ZNF264: variants seen among roughly 807,000 people sequenced by gnomAD.
The protein encoded by ZNF264 is zinc finger protein 264.
ZNF264 carries 11 observed loss-of-function variants against 11.2 expected under a neutral mutation model. The ratio of observed to expected loss-of-function variants is 0.98; its 90% CI spans 0.62 to 1.63. The LOEUF (loss-of-function observed/expected upper bound fraction) is 1.63. Ranked by LOEUF, ZNF264 falls within the 40% of genes most tolerant of loss-of-function variation. ZNF264 has a pLI of 0.00. For missense variants in ZNF264, 752 were observed against 768.1 expected, an observed-to-expected ratio of 0.98 and a Z score of 0.25; for synonymous variants, 309 against 279.8, an observed-to-expected ratio of 1.10 and a Z score of -1.04.
chr19:57,200,679 A>G lies in ZNF264; in HGVS notation c.161-4718A>G, dbSNP rs540717646. Among the ~76,000 whole-genome samples the G allele has an allele frequency of 2.6e-5, 4 of 151,716 alleles. 1 individual carries two copies. Among genetic ancestry groups the G allele is most frequent in the African/African-American group, 4.9e-5 (2 of 41,120 alleles). The stretch of plus-strand genomic sequence containing the variant: ...GCCCAGGTTGGAATACAGTGGCACA[A>G]TCTCGGCTCACTGCCTTTGCCTCCT... On this transcript the variant is annotated intron_variant, in intron 2 of 3. Transcript: ENST00000263095.
In ZNF264 at chr19:57,212,996, G is replaced by A; in HGVS notation, c.*15G>A. 6.3e-7 allele frequency: 1 copy of A among 1,593,850 alleles called. No homozygotes were observed. Among genetic ancestry groups the A allele is most frequent in the Non-Finnish European group, 8.6e-7 (1 of 1,168,502 alleles). On this transcript the variant is annotated 3_prime_UTR_variant, in exon 4 of 4. Transcript: ENST00000263095. Reference sequence around the variant, plus strand: ...CTTCACTGTGAGAAAACCTTCTGTTGCTGAATATTACTTGTCATCTGAAGA... The same window carrying A: ...CTTCACTGTGAGAAAACCTTCTGTTACTGAATATTACTTGTCATCTGAAGA...
intron 2 of ZNF264, among the ~76,000 whole-genome samples, chr19:57,204,763 A>G (rs1206233623): frequency 6.6e-6 from 1 of 152,190 alleles, no homozygotes; most frequent in African/African-American, 2.4e-5. Context: ...TCCTGTTGCC[A>G]TCAGTACTGT....
intron 2 of ZNF264, among the ~76,000 whole-genome samples, chr19:57,194,553 G>A (rs186075770): frequency 2.6e-5 from 4 of 152,334 alleles, no homozygotes; most frequent in African/African-American, 9.6e-5. Flanking sequence ...AAGTCCCAAA[G>A]CTGAAGAACT....
At chr19:57,205,929 G>A (rs1401420126) in intron 3 of ZNF264, among the ~76,000 whole-genome samples, 1 of 152,164 alleles carries the variant, frequency 6.6e-6, no homozygotes, top group African/African-American at 2.4e-5. Context: ...CTCATACCAG[G>A]GACTGTGTGG....
intron 2 of ZNF264, among the ~76,000 whole-genome samples, chr19:57,204,797 CTG>C (rs2087279652): frequency 6.6e-6 from 1 of 152,198 alleles, no homozygotes; most frequent in East Asian, 1.9e-4. Context: ...ATCAAGATCA[CTG>C]TCGTTGGCAT....
rs1376094794 is a variant in ZNF264, at chr19:57,217,476, G to A, written c.*4495G>A. The stretch of plus-strand genomic sequence containing the variant: ...TCTGTCACCCACGCTGGAGTGCTGT[G>A]ATGCGATCTCGGCTCTCTGCAACCT... On this transcript the variant is annotated 3_prime_UTR_variant, in exon 4 of 4. Coordinates refer to ENST00000263095, the MANE Select transcript of ZNF264 (RefSeq NM_003417.5). 6.6e-6 allele frequency: 1 copy of A among 152,086 alleles called. No homozygotes were observed. Among genetic ancestry groups the A allele is most frequent in the Non-Finnish European group, 1.5e-5 (1 of 68,044 alleles). 9.4% of individuals were successfully genotyped at this position (152,086 alleles called of 1,614,324 possible).
At position 57,222,073 on chromosome 19, in the gene ZNF264, T is replaced by A. The variant is rs2087421269; in HGVS notation, c.*9092T>A. 2 of 152,064 alleles carry A rather than the reference T, an allele frequency of 1.3e-5. No homozygotes were observed. Among genetic ancestry groups the A allele is most frequent in the Admixed American group, 1.3e-4 (2 of 15,262 alleles). 9.4% of individuals were successfully genotyped at this position (152,064 alleles called of 1,614,324 possible). ...GGCTTATGTAATGATTGTAATAAAT[T>A]CAGGTGGCTCACGCCTGTGATACCA... is the stretch of plus-strand genomic sequence containing the variant. On this transcript the variant is annotated 3_prime_UTR_variant, in exon 4 of 4. Coordinates refer to ENST00000263095, the MANE Select transcript of ZNF264 (RefSeq NM_003417.5).
intron 1 of ZNF264, among the ~76,000 whole-genome samples, chr19:57,192,745 G>T (rs200313596): frequency 1.5e-4 from 21 of 140,856 alleles, no homozygotes; most frequent in Non-Finnish European, 1.1e-4. Flanking sequence ...ACTTTTTTTT[G>T]TTTTGAGACA....
rs902210235 is a variant in ZNF264 at position 57,206,884 on chromosome 19, A to G, written c.256+1392A>G. Among the ~76,000 whole-genome samples, 3 of 142,808 alleles carry G rather than the reference A, an allele frequency of 2.1e-5. No individual in the cohort carries two copies. The Admixed American group carries it at 2.1e-4, about 10-fold the overall frequency. The allele number at this position is 142,808 out of a possible 152,430, so 93.7% of individuals were successfully genotyped here. On this transcript the variant is annotated intron_variant, in intron 3 of 3. Coordinates refer to ENST00000263095, the MANE Select transcript of ZNF264 (RefSeq NM_003417.5). ...GGTGACATTTGACCTTCTGTGTCCC[A>G]CACTCAGGCTGCTGAGGGCACTGAG...
intron 3 of ZNF264, among the ~76,000 whole-genome samples, chr19:57,210,395 T>C (rs2087325916): frequency 6.6e-6 from 1 of 152,212 alleles, no homozygotes; most frequent in African/African-American, 2.4e-5. Context: ...AGCTTTAGAC[T>C]CACAAAATTC....
At chr19:57,202,397 G>A (rs1050133176) in intron 2 of ZNF264, among the ~76,000 whole-genome samples, 1 of 151,876 alleles carries the variant, frequency 6.6e-6, no homozygotes, top group Non-Finnish European at 1.5e-5. Context: ...ACTGGGTGTG[G>A]TATTCTGATA....
intron 2 of ZNF264, among the ~76,000 whole-genome samples, chr19:57,196,326 G>A (rs535920811): frequency 1.3e-5 from 2 of 152,108 alleles, no homozygotes; most frequent in South Asian, 4.1e-4. Context: ...ACTGCGTGCA[G>A]GATAAGCAAA....
intron 2 of ZNF264, among the ~76,000 whole-genome samples, chr19:57,201,167 C>T (rs959385137): frequency 1.6e-4 from 24 of 151,842 alleles, no homozygotes; most frequent in African/African-American, 5.8e-4. Flanking sequence ...TTGTATGGTA[C>T]ATAAGGTTTA....
chr19:57,199,290 T>C (rs1405884459), intron 2 of ZNF264, among the ~76,000 whole-genome samples: 2 of 151,968 alleles, frequency 1.3e-5, no homozygotes, highest in African/African-American at 4.9e-5. Context: ...AAGATGCAGG[T>C]GCTGCCCTCG....
chr19:57,200,748 A>G (rs1257412484), intron 2 of ZNF264, among the ~76,000 whole-genome samples: 1 of 151,728 alleles, frequency 6.6e-6, no homozygotes, highest in East Asian at 1.9e-4. Context: ...AGTAGCTGGG[A>G]CTACAGGTGT....
At chr19:57,204,203 G>A (rs905520985) in intron 2 of ZNF264, among the ~76,000 whole-genome samples, 2 of 146,706 alleles carry the variant, frequency 1.4e-5, no homozygotes, top group East Asian at 4.1e-4. Flanking sequence ...GGGCGACAGA[G>A]CGAGACTCCG....
At chr19:57,192,711 A>C (rs2087183473) in intron 1 of ZNF264, 2 of 321,830 alleles carry the variant, frequency 6.2e-6, no homozygotes, top group African/African-American at 2.4e-5. Flanking sequence ...AGGAATGCTG[A>C]GCTTTTTGTG....
In ZNF264 at chr19:57,218,773, T is replaced by G. The variant is rs1346830574; in HGVS notation, c.*5792T>G. On this transcript the variant is annotated 3_prime_UTR_variant, in exon 4 of 4. Coordinates refer to ENST00000263095, the MANE Select transcript of ZNF264 (RefSeq NM_003417.5). Reference sequence around the variant, plus strand: ...AATCTGTTGAGTTTGTGCAGTGAGTTTTCATTTTGGTTTTGTATTTTCCAG... The same window carrying G: ...AATCTGTTGAGTTTGTGCAGTGAGTGTTCATTTTGGTTTTGTATTTTCCAG... The G allele has an allele frequency of 6.6e-6, 1 of 152,352 alleles. No individual in the cohort carries two copies. The highest frequency in any genetic ancestry group is 1.5e-5 in the Non-Finnish European group (1 of 68,036). 9.4% of individuals were successfully genotyped at this position (152,352 alleles called of 1,614,324 possible). A position where few individuals can be genotyped will look rare whatever the true frequency, so the allele number is the denominator to read the frequency against.
At chr19:57,191,993 A>G (rs1599942997) in intron 1 of ZNF264, 47 bp downstream of exon 1, 1 of 1,488,666 alleles carries the variant, frequency 6.7e-7, no homozygotes, top group South Asian at 1.3e-5. Context: ...GCCAGCGCTG[A>G]GGCGGTTTCC....
Sources: gnomAD v4.1 joint callset for allele counts (sites outside exome capture counted in the v4.1 genomes callset) on GRCh38, gnomAD v4.1.1 for gene constraint, MANE v1.5 for transcripts, NCBI Gene and HGNC (gene_info 2026-07-23, HGNC 2026-07-21) for gene names.